The following CNTLN variants were observed in gnomAD, a reference collection of about 807,000 sequenced individuals.
The protein encoded by CNTLN is centlein.
CNTLN carries 212 observed loss-of-function variants against 180.0 expected under a neutral mutation model. That is an observed-to-expected ratio of 1.18 (90% confidence interval 1.05 to 1.32). The LOEUF (loss-of-function observed/expected upper bound fraction) is 1.32. CNTLN is among the 40% of genes most tolerant of loss of function. The pLI is 0.00. For synonymous variants in CNTLN, 722 were observed against 563.1 expected (o/e 1.28, Z -3.99); for missense variants, 2,095 against 1,610.9 (o/e 1.30, Z -5.14).
intron 18 of CNTLN, among the ~76,000 whole-genome samples, chr9:17,419,444 G>T (rs1482472392): frequency 1.3e-5 from 2 of 151,986 alleles, no homozygotes; most frequent in Non-Finnish European, 2.9e-5. Flanking sequence ...AAACATGCTA[G>T]CCCCATTCTT....
At chr9:17,428,865 A>G (rs1054411097) in intron 18 of CNTLN, among the ~76,000 whole-genome samples, 2 of 152,010 alleles carry the variant, frequency 1.3e-5, no homozygotes, top group Non-Finnish European at 2.9e-5. Context: ...TAGCATATAT[A>G]TTAAATGATT....
chr9:17,426,261 C>A (rs1006435662), intron 18 of CNTLN, among the ~76,000 whole-genome samples: 3 of 152,156 alleles, frequency 2.0e-5, no homozygotes, highest in Non-Finnish European at 4.4e-5. Flanking sequence ...AAGCAATTCA[C>A]ATATTGCCAT....
rs555100760 is a variant in CNTLN at position 17,186,836 on chromosome 9, T to C, written c.450-39367T>C. ...ATTTAATATAAATATTACTATCCTTTCTATATAATGCTTGAGTCCTACATT... is the reference window on the plus strand; with the variant it reads ...ATTTAATATAAATATTACTATCCTTCCTATATAATGCTTGAGTCCTACATT... On this transcript the variant is annotated intron_variant, in intron 2 of 25. Coordinates refer to ENST00000380647, the MANE Select transcript of CNTLN (RefSeq NM_017738.4). Among the ~76,000 whole-genome samples, 5 of 152,238 alleles carry C rather than the reference T, an allele frequency of 3.3e-5. No individual in the cohort carries two copies. In the East Asian group the frequency reaches 9.6e-4, roughly 29 times the overall value.
intron 23 of CNTLN, among the ~76,000 whole-genome samples, chr9:17,477,323 T>G (rs1184260280): frequency 1.3e-5 from 2 of 152,164 alleles, no homozygotes; most frequent in Non-Finnish European, 2.9e-5. Flanking sequence ...CAGCTCATGT[T>G]TCAAGGAGTA....
chr9:17,380,549 T>C (rs746949357), intron 13 of CNTLN, among the ~76,000 whole-genome samples: 2 of 152,164 alleles, frequency 1.3e-5, no homozygotes, highest in Non-Finnish European at 2.9e-5. Context: ...ACAAGTCTGG[T>C]TGGGGAGGGC....
chr9:17,181,736 G>A (rs943667550), intron 2 of CNTLN, among the ~76,000 whole-genome samples: 1 of 152,184 alleles, frequency 6.6e-6, no homozygotes, highest in Non-Finnish European at 1.5e-5. Flanking sequence ...TAGAAGTTTA[G>A]GTTCCCCTCT....
At chr9:17,516,489 T>A in the CNTLN span, among the ~76,000 whole-genome samples, 1 of 152,142 alleles carries the variant, frequency 6.6e-6, no homozygotes, top group Admixed American at 6.5e-5. Flanking sequence ...TTTATACCCT[T>A]AGGTTCAATG....
chr9:17,342,384 A>G lies in CNTLN; in HGVS notation c.1826A>G (p.Asp609Gly). 1 of 1,612,362 alleles carries G rather than the reference A, an allele frequency of 6.2e-7. No individual in the cohort carries two copies. The highest frequency in any genetic ancestry group is 8.5e-7 in the Non-Finnish European group (1 of 1,179,232). The stretch of plus-strand genomic sequence containing the variant: ...CAACAACTTCGACAAGAAGATTCTG[A>G]CGCTGTGTGGAATGAACTGGCATAT... ...DPQQLRQEDSDAVWNELAYFK... is the reference protein window; with the variant it reads ...DPQQLRQEDSGAVWNELAYFK... Residue 609 changes from aspartate (D) to glycine (G), a missense_variant, in exon 12 of 26, where the codon GAC (aspartate) becomes GGC (glycine). Physicochemically the swap from Asp to Gly is moderately conservative, Grantham distance 94 (BLOSUM62 -1). Coordinates refer to ENST00000380647, the MANE Select transcript of CNTLN (RefSeq NM_017738.4).
At position 17,455,219 on chromosome 9, in the gene CNTLN, T is replaced by C. The variant is rs977893381; in HGVS notation, c.3115-2305T>C. Among the ~76,000 whole-genome samples the C allele has an allele frequency of 3.3e-5, 5 of 152,198 alleles. No homozygotes were observed. The East Asian group carries it at 5.8e-4, about 18-fold the overall frequency. ...TTTCCAAACTGATGGAATGTGTGAT[T>C]TGCATATTTCCTCTATTTCAACAGA... is the stretch of plus-strand genomic sequence containing the variant. On this transcript the variant is annotated intron_variant, in intron 18 of 25. Transcript: ENST00000380647.
chr9:17,323,563 C>T (rs867926763), intron 8 of CNTLN, among the ~76,000 whole-genome samples: 2 of 152,180 alleles, frequency 1.3e-5, no homozygotes, highest in African/African-American at 4.8e-5. Context: ...GTAATTACAG[C>T]GCGGCTTTCT....
intron 12 of CNTLN, among the ~76,000 whole-genome samples, chr9:17,351,902 A>G (rs1344886503): frequency 3.9e-5 from 6 of 152,194 alleles, no homozygotes; most frequent in Admixed American, 6.5e-5. Context: ...TTTTTTTACA[A>G]TTTCTGCTTT....
chr9:17,322,758 G>C (rs959929968), intron 8 of CNTLN, among the ~76,000 whole-genome samples: 2 of 151,936 alleles, frequency 1.3e-5, no homozygotes, highest in Non-Finnish European at 2.9e-5. Flanking sequence ...TTCTCATGGA[G>C]TAAAGAGTAT....
intron 7 of CNTLN, among the ~76,000 whole-genome samples, chr9:17,306,053 G>C (rs1015093644): frequency 6.6e-6 from 1 of 151,888 alleles, no homozygotes; most frequent in African/African-American, 2.4e-5. Flanking sequence ...ATCACATCAA[G>C]TCAGGGCAAC....
At chr9:17,402,877 A>G (rs569207106) in intron 15 of CNTLN, among the ~76,000 whole-genome samples, 1 of 151,730 alleles carries the variant, frequency 6.6e-6, no homozygotes, top group Admixed American at 6.6e-5. Flanking sequence ...TAGCCTTCAC[A>G]ATCACATGAA....
At chr9:17,158,300 A>G (rs985737839) in intron 2 of CNTLN, among the ~76,000 whole-genome samples, 1 of 152,076 alleles carries the variant, frequency 6.6e-6, no homozygotes, top group South Asian at 2.1e-4. Flanking sequence ...GCTTGCTGGT[A>G]TGTTGCTGAG....
intron 5 of CNTLN, among the ~76,000 whole-genome samples, chr9:17,260,083 G>C (rs1292499949): frequency 6.9e-6 from 1 of 145,000 alleles, no homozygotes; most frequent in East Asian, 2.0e-4. Flanking sequence ...GTCAATTTTG[G>C]ATCTTTCCTG....
chr9:17,348,976 T>C (rs982144506), intron 12 of CNTLN, among the ~76,000 whole-genome samples: 73 of 152,140 alleles, frequency 4.8e-4, no homozygotes, highest in African/African-American at 1.6e-3. Flanking sequence ...CTAGAGAGAG[T>C]AGGCTTTCCT....
chr9:17,296,919 G>T (rs775521935), intron 6 of CNTLN, among the ~76,000 whole-genome samples: 27 of 152,102 alleles, frequency 1.8e-4, no homozygotes, highest in African/African-American at 5.1e-4. Context: ...AACTGTCTCC[G>T]TATCTCTTTT....
At chr9:17,350,654 G>C (rs913747721) in intron 12 of CNTLN, among the ~76,000 whole-genome samples, 6 of 152,102 alleles carry the variant, frequency 3.9e-5, no homozygotes, top group African/African-American at 7.2e-5. Flanking sequence ...CAAGATCATG[G>C]TGCCGATGGA....
Sources: gnomAD v4.1 joint callset for allele counts (sites outside exome capture counted in the v4.1 genomes callset) on GRCh38, gnomAD v4.1.1 for gene constraint, MANE v1.5 for transcripts, NCBI Gene and HGNC (gene_info 2026-07-23, HGNC 2026-07-21) for gene names.